The following PSG1 variants were observed in gnomAD, a reference collection of about 807,000 sequenced individuals.
The protein encoded by PSG1 is pregnancy-specific beta-1-glycoprotein 1.
In PSG1, 60 loss-of-function variants were observed where a neutral mutation model predicts 41.4. The observed-to-expected ratio is 1.45, with a 90% CI of 1.18 to 1.80. The LOEUF is 1.80. PSG1 is among the 40% of genes most tolerant of loss of function. PSG1 has a pLI of 0.00. For missense variants in PSG1, 806 were observed against 516.9 expected (o/e 1.56, Z -5.42); for synonymous variants, 256 against 192.9 (o/e 1.33, Z -2.71).
At chr19:42,879,346 G>GCTT (rs2122573930) in intron 1 of PSG1, among the ~76,000 whole-genome samples, 172 bp downstream of exon 1, 1 of 151,276 alleles carries the variant, frequency 6.6e-6, no homozygotes, top group African/African-American at 2.4e-5. Flanking sequence ...TACAGACAGG[G>GCTT]CTTCACTGTG....
In PSG1 at chr19:42,872,061, G is replaced by T. The variant is rs369230764; in HGVS notation, c.431-16C>A. The T allele has an allele frequency of 1.0e-5, 16 of 1,602,378 alleles. 1 individual carries two copies. Among genetic ancestry groups the T allele is most frequent in the Non-Finnish European group, 1.4e-5 (16 of 1,173,916 alleles). ...GGAGTCTCCACTGTGCAGAAAACAG[G>T]GTGAAGATTGCCGTGTGTGGCGCCT... On this transcript the variant is annotated splice_polypyrimidine_tract_variant and intron_variant, in intron 2 of 5. Transcript: ENST00000436291.
intron 2 of PSG1, among the ~76,000 whole-genome samples, chr19:42,876,005 G>A (rs1037672659): frequency 9.3e-5 from 14 of 151,190 alleles, no homozygotes; most frequent in African/African-American, 3.2e-4. Flanking sequence ...ACATTGGCTC[G>A]AGAGGAAGCC....
At chr19:42,878,308 T>C (rs757440764) in intron 1 of PSG1, 30 bp from the exon 2 acceptor site, 1 of 1,584,532 alleles carries the variant, frequency 6.3e-7, no homozygotes, top group Admixed American at 1.7e-5. Context: ...TCAGTCAATA[T>C]TGAGACCTAT....
At chr19:42,876,430 C>T (rs1211277990) in intron 2 of PSG1, among the ~76,000 whole-genome samples, 1 of 151,428 alleles carries the variant, frequency 6.6e-6, no homozygotes, top group Non-Finnish European at 1.5e-5. Flanking sequence ...ATGTCAGCCT[C>T]TGAAGGACAA....
Position 42,872,052 on chromosome 19 carries a change from A to C in PSG1, c.431-7T>G. 6.2e-7 allele frequency: 1 copy of C among 1,607,400 alleles called. No homozygotes were observed. The highest frequency in any genetic ancestry group is 8.5e-7 in the Non-Finnish European group (1 of 1,176,556). On this transcript the variant is annotated splice_polypyrimidine_tract_variant and splice_region_variant and intron_variant, in intron 2 of 5. Coordinates refer to ENST00000436291, the MANE Select transcript of PSG1 (RefSeq NM_001184825.2). ...GAGGGCTTAGGAGTCTCCACTGTGC[A>C]GAAAACAGGGTGAAGATTGCCGTGT...
intron 4 of PSG1, 130 bp from the exon 5 acceptor site, chr19:42,868,485 T>A: frequency 1.3e-6 from 2 of 1,484,890 alleles, no homozygotes; most frequent in East Asian, 4.6e-5. Context: ...CCCCTCTATG[T>A]TCACTGAGCC....
chr19:42,869,998 C>T (rs1361345737), intron 3 of PSG1: 1 of 151,576 alleles, frequency 6.6e-6, no homozygotes, highest in Non-Finnish European at 1.5e-5. Context: ...TCTCTGATTC[C>T]ATGGGTTCAA....
intron 1 of PSG1, among the ~76,000 whole-genome samples, chr19:42,878,633 C>T (rs1442135397): frequency 6.8e-6 from 1 of 146,572 alleles, no homozygotes; most frequent in African/African-American, 2.6e-5. Flanking sequence ...AGACTTCTTT[C>T]CTGATGCCTG....
chr19:42,872,340 C>T (rs1258988927), intron 2 of PSG1, among the ~76,000 whole-genome samples: 1 of 151,570 alleles, frequency 6.6e-6, no homozygotes, highest in Non-Finnish European at 1.5e-5. Context: ...TCTGTGTGTC[C>T]CTCCGTCTCC....
intron 2 of PSG1, among the ~76,000 whole-genome samples, chr19:42,873,573 G>A (rs1971483020): frequency 6.6e-6 from 1 of 151,702 alleles, no homozygotes; most frequent in African/African-American, 2.4e-5. Flanking sequence ...TCAATTGCTG[G>A]TAGTAGTATT....
intron 2 of PSG1, chr19:42,873,979 G>A (rs1481690591): frequency 1.3e-5 from 2 of 151,492 alleles, no homozygotes; most frequent in Non-Finnish European, 2.9e-5. Context: ...CTCCCCACAC[G>A]AAGATCTCCA....
chr19:42,871,206 G>C (rs1201075814), intron 3 of PSG1, among the ~76,000 whole-genome samples: 3 of 151,654 alleles, frequency 2.0e-5, no homozygotes, highest in Admixed American at 2.0e-4. Context: ...AGTGATTTGG[G>C]GTATAAAGAA....
chr19:42,867,802 G>A (rs1971195731), intron 5 of PSG1: 6 of 1,193,384 alleles, frequency 5.0e-6, no homozygotes, highest in South Asian at 4.1e-5. Flanking sequence ...ACCATTTAAA[G>A]AATCAGCAAA....
chr19:42,872,464 G>T lies in PSG1; in HGVS notation c.431-419C>A, dbSNP rs140540336. ...GTATGTTTTCTCTGCAGCTTCCCTT[G>T]CCAAGGACATCCTAGAGATGGATGA... is the stretch of plus-strand genomic sequence containing the variant. On this transcript the variant is annotated intron_variant, in intron 2 of 5. Transcript: ENST00000436291. Among the ~76,000 whole-genome samples, 689 of 151,746 alleles carry T rather than the reference G, an allele frequency of 4.5e-3. 28 individuals carry two copies. Among genetic ancestry groups the T allele is most frequent in the African/African-American group, 0.015 (611 of 41,398 alleles).
chr19:42,873,099 G>T (rs1971461880), intron 2 of PSG1, among the ~76,000 whole-genome samples: 10 of 151,712 alleles, frequency 6.6e-5, no homozygotes, highest in Admixed American at 5.9e-4. Flanking sequence ...GGGGAATAGG[G>T]TGTTGTTCCG....
Position 42,871,392 on chromosome 19 carries a change from T to A in PSG1, c.709+375A>T, listed in dbSNP as rs755024114. Among the ~76,000 whole-genome samples, 9 of 151,524 alleles carry A rather than the reference T, an allele frequency of 5.9e-5. 2 individuals are homozygous for A. Among genetic ancestry groups the A allele is most frequent in the Admixed American group, 4.6e-4 (7 of 15,170 alleles). On this transcript the variant is annotated intron_variant, in intron 3 of 5. Coordinates refer to ENST00000436291, the MANE Select transcript of PSG1 (RefSeq NM_001184825.2). ...GTAAAGAGAATAATGTCACAGGCAC[T>A]ATTGTCAGAGGGAAGGGAAAATCCT...
rs776716022 is a variant in PSG1 at position 42,867,051 on chromosome 19, A to C, written c.*83T>G. ...AATTTACATTGAGTTGTCCACCTCCAGCTTATAGGGCTTCTGGAACAGAGT... is the reference window on the plus strand; with the variant it reads ...AATTTACATTGAGTTGTCCACCTCCCGCTTATAGGGCTTCTGGAACAGAGT... On this transcript the variant is annotated 3_prime_UTR_variant, in exon 6 of 6. Coordinates refer to ENST00000436291, the MANE Select transcript of PSG1 (RefSeq NM_001184825.2). 26 of 770,868 alleles carry C rather than the reference A, an allele frequency of 3.4e-5. No individual in the cohort carries two copies. Among genetic ancestry groups the C allele is most frequent in the Admixed American group, 2.9e-4 (17 of 58,888 alleles). The allele number at this position is 770,868 out of a possible 1,614,324, so 47.8% of individuals were successfully genotyped here. A position where few individuals can be genotyped will look rare whatever the true frequency, so the allele number is the denominator to read the frequency against.
At chr19:42,871,591 A>G (rs1420459026) in intron 3 of PSG1, among the ~76,000 whole-genome samples, 176 bp downstream of exon 3, 5 of 151,458 alleles carry the variant, frequency 3.3e-5, no homozygotes, top group Non-Finnish European at 7.4e-5. Flanking sequence ...CTTTTCTCCT[A>G]TTGTTGATGA....
chr19:42,876,134 A>AG (rs1394379614), intron 2 of PSG1, among the ~76,000 whole-genome samples: 3 of 151,354 alleles, frequency 2.0e-5, no homozygotes, highest in Non-Finnish European at 4.4e-5. Context: ...GGGAGTGTCT[A>AG]GGGAAGGCCT....
Sources: allele counts gnomAD v4.1 joint callset (sites outside exome capture counted in the v4.1 genomes callset), GRCh38; gene constraint gnomAD v4.1.1; transcripts MANE v1.5; gene names NCBI Gene and HGNC (gene_info 2026-07-23, HGNC 2026-07-21).